Variants in TMEM163 observed in about 807,000 individuals in gnomAD.
TMEM163 encodes transmembrane protein 163.
TMEM163 carries 17 observed loss-of-function variants against 29.3 expected under a neutral mutation model. That is an observed-to-expected ratio of 0.58 (90% confidence interval 0.40 to 0.87). The LOEUF is 0.87. TMEM163 is among the 40% of genes least tolerant of loss of function. TMEM163 has a pLI of 0.00. For synonymous variants in TMEM163, 157 were observed against 160.6 expected (o/e 0.98, Z 0.17); for missense variants, 303 against 381.5 (o/e 0.79, Z 1.71).
intron 2 of TMEM163, among the ~76,000 whole-genome samples, chr2:134,552,984 GA>G (rs1197652985): frequency 2.0e-5 from 3 of 152,292 alleles, no homozygotes; most frequent in Admixed American, 6.5e-5. Flanking sequence ...TAAATTGGAG[GA>G]CGTCAATTGG....
chr2:134,508,483 C>A lies in TMEM163; in HGVS notation c.459-5486G>T, dbSNP rs576629900. On this transcript the variant is annotated intron_variant, in intron 4 of 7. Transcript: ENST00000281924. ...CTAATGCTGGTTTTCTCCAGCTAAGCCCTCTTTCTCTCCGTGTGTTCTGAC... is the reference window on the plus strand; with the variant it reads ...CTAATGCTGGTTTTCTCCAGCTAAGACCTCTTTCTCTCCGTGTGTTCTGAC... Among the ~76,000 whole-genome samples, 171 of 150,126 alleles carry A rather than the reference C, an allele frequency of 1.1e-3. 1 individual carries two copies. The highest frequency in any genetic ancestry group is 4.1e-3 in the African/African-American group (169 of 41,462).
intron 2 of TMEM163, among the ~76,000 whole-genome samples, chr2:134,697,235 T>A (rs1307831167): frequency 6.6e-6 from 1 of 152,190 alleles, no homozygotes; most frequent in Middle Eastern, 3.2e-3. Context: ...CCTACTATAC[T>A]GGGTAGGACA....
At chr2:134,632,349 A>C (rs1209793349) in intron 2 of TMEM163, among the ~76,000 whole-genome samples, 3 of 152,240 alleles carry the variant, frequency 2.0e-5, no homozygotes. Flanking sequence ...CAAGCAGATA[A>C]GTGATATAAA....
intron 2 of TMEM163, among the ~76,000 whole-genome samples, chr2:134,699,218 G>T (rs546704394): frequency 6.6e-5 from 10 of 152,256 alleles, no homozygotes; most frequent in African/African-American, 2.4e-4. Flanking sequence ...AAGTGTTGTA[G>T]AGTGGCCAGG....
At chr2:134,597,752 T>C (rs1255027423) in intron 2 of TMEM163, among the ~76,000 whole-genome samples, 1 of 152,222 alleles carries the variant, frequency 6.6e-6, no homozygotes, top group Non-Finnish European at 1.5e-5. Flanking sequence ...CCTGGACTTT[T>C]TTTCGTTGGT....
chr2:134,546,715 A>T (rs1376831924), intron 4 of TMEM163, among the ~76,000 whole-genome samples: 1 of 151,772 alleles, frequency 6.6e-6, no homozygotes, highest in African/African-American at 2.4e-5. Context: ...TGGGAGGCTG[A>T]GGTAGGAGAA....
chr2:134,668,418 C>T (rs1683916040), intron 2 of TMEM163, among the ~76,000 whole-genome samples: 1 of 152,168 alleles, frequency 6.6e-6, no homozygotes, highest in African/African-American at 2.4e-5. Context: ...TTCTTCCAAA[C>T]ACTCAGACCT....
intron 2 of TMEM163, among the ~76,000 whole-genome samples, chr2:134,633,296 A>G (rs542162044): frequency 1.3e-5 from 2 of 152,292 alleles, no homozygotes; most frequent in Non-Finnish European, 2.9e-5. Flanking sequence ...CAGGATTAGG[A>G]CAGGCCAGGA....
At chr2:134,538,631 AAT>A (rs35294035) in intron 4 of TMEM163, among the ~76,000 whole-genome samples, 84,896 of 151,800 alleles carry the variant, frequency 0.56, 24,798 homozygotes, top group East Asian at 0.84. Context: ...CCACAATAGA[AAT>A]GGAGTACTGC....
chr2:134,573,394 C>T (rs180920494), intron 2 of TMEM163, among the ~76,000 whole-genome samples: 44 of 152,134 alleles, frequency 2.9e-4, no homozygotes, highest in East Asian at 3.9e-4. Context: ...GTTTCTCAAC[C>T]GGGGGCACTT....
chr2:134,506,347 T>C (rs1679823739), intron 4 of TMEM163, among the ~76,000 whole-genome samples: 1 of 152,310 alleles, frequency 6.6e-6, no homozygotes, highest in East Asian at 1.9e-4. Flanking sequence ...CACGGTGCTA[T>C]TTTTTAACGA....
intron 2 of TMEM163, among the ~76,000 whole-genome samples, chr2:134,565,630 A>C (rs925549970): frequency 3.9e-5 from 6 of 152,100 alleles, no homozygotes; most frequent in Admixed American, 1.3e-4. Context: ...AAAACCATAC[A>C]TACATATGGA....
At chr2:134,557,115 G>C (rs1473696384) in intron 2 of TMEM163, among the ~76,000 whole-genome samples, 2 of 152,210 alleles carry the variant, frequency 1.3e-5, no homozygotes, top group Non-Finnish European at 2.9e-5. Flanking sequence ...TCAGTAAAAC[G>C]CTCTGAGGTG....
intron 1 of TMEM163, among the ~76,000 whole-genome samples, chr2:134,714,847 T>C (rs868527288): frequency 1.3e-5 from 2 of 152,160 alleles, no homozygotes; most frequent in Non-Finnish European, 2.9e-5. Context: ...TAAATAAAAA[T>C]ATAGCATGTC....
intron 2 of TMEM163, among the ~76,000 whole-genome samples, chr2:134,554,410 G>A (rs765070559): frequency 8.8e-4 from 108 of 122,238 alleles, no homozygotes; most frequent in Non-Finnish European, 1.4e-3. Flanking sequence ...GTGACAGAGC[G>A]AGACCCCATC....
At chr2:134,689,909 T>C (rs192636374) in intron 2 of TMEM163, among the ~76,000 whole-genome samples, 12 of 148,272 alleles carry the variant, frequency 8.1e-5, no homozygotes, top group African/African-American at 3.0e-4. Flanking sequence ...ACTTGCTCCT[T>C]TGCGGTTTGT....
chr2:134,474,484 A>G (rs1263798646), intron 5 of TMEM163, among the ~76,000 whole-genome samples: 1 of 152,220 alleles, frequency 6.6e-6, no homozygotes, highest in African/African-American at 2.4e-5. Context: ...GAAAAAGGCA[A>G]GGACATCTAC....
chr2:134,536,309 C>T, intron 4 of TMEM163, among the ~76,000 whole-genome samples: 1 of 152,188 alleles, frequency 6.6e-6, no homozygotes, highest in Non-Finnish European at 1.5e-5. Flanking sequence ...TGCCCAAAAA[C>T]CCCTTCTGGG....
Position 134,718,924 on chromosome 2 carries a change from G to T in TMEM163, c.12C>A (p.Ala4=), listed in dbSNP as rs1685102567. MEP[A]AGIQRRSSQG... The stretch of plus-strand genomic sequence containing the variant: ...GGGAGCTGCGGCGCTGGATGCCCGC[G>T]GCCGGCTCCATGGCGCGGGGCTGCG... Residue 4 remains alanine, a synonymous_variant, in exon 1 of 8, where the codon GCC becomes GCA. Coordinates refer to ENST00000281924, the MANE Select transcript of TMEM163 (RefSeq NM_030923.5). The T allele has an allele frequency of 2.8e-6, 3 of 1,057,208 alleles. No individual in the cohort carries two copies. The highest frequency in any genetic ancestry group is 7.5e-5 in the East Asian group (1 of 13,380). The allele number at this position is 1,057,208 out of a possible 1,614,324, so 65.5% of individuals were successfully genotyped here.
Sources: gnomAD v4.1 joint callset for allele counts (sites outside exome capture counted in the v4.1 genomes callset) on GRCh38, gnomAD v4.1.1 for gene constraint, MANE v1.5 for transcripts, NCBI Gene and HGNC (gene_info 2026-07-23, HGNC 2026-07-21) for gene names.